The following VCAN variants were observed in gnomAD, a reference collection of about 807,000 sequenced individuals.
The protein encoded by VCAN is versican, also known as versican core protein.
Under a neutral mutation model 245.5 loss-of-function variants are expected in VCAN, and 44 were observed. That is an observed-to-expected ratio of 0.18 (90% CI 0.14 to 0.23). The LOEUF (loss-of-function observed/expected upper bound fraction) is 0.23, where lower values mean the gene tolerates loss of function less well. Among genes scored for constraint, VCAN ranks in the 10% least tolerant of loss-of-function variants. VCAN has a pLI of 1.00. For synonymous variants in VCAN, 1,413 were observed against 1,437.0 expected (o/e 0.98, Z 0.38); for missense variants, 3,793 against 4,057.9 (o/e 0.93, Z 1.77).
At chr5:83,482,425 A>G (rs968735603) in intron 1 of VCAN, among the ~76,000 whole-genome samples, 2 of 152,204 alleles carry the variant, frequency 1.3e-5, no homozygotes, top group Non-Finnish European at 2.9e-5. Context: ...TCTATAATTG[A>G]CTTAGGATAT....
chr5:83,507,029 C>T (rs1745502182), intron 5 of VCAN, among the ~76,000 whole-genome samples: 1 of 152,154 alleles, frequency 6.6e-6, no homozygotes, highest in Admixed American at 6.5e-5. Flanking sequence ...ACAATTCAAG[C>T]TGAGATTTGG....
intron 13 of VCAN, among the ~76,000 whole-genome samples, chr5:83,575,141 A>C (rs921085903): frequency 6.6e-6 from 1 of 152,220 alleles, no homozygotes; most frequent in African/African-American, 2.4e-5. Flanking sequence ...ATACTCTATA[A>C]ATATTTTAGG....
intron 1 of VCAN, among the ~76,000 whole-genome samples, chr5:83,476,693 G>A (rs1341228078): frequency 1.3e-5 from 2 of 151,676 alleles, no homozygotes; most frequent in African/African-American, 4.8e-5. Context: ...TGGGGGGTGC[G>A]TGTGTGTGTG....
At chr5:83,474,093 C>T (rs566395772) in intron 1 of VCAN, among the ~76,000 whole-genome samples, 1 of 152,232 alleles carries the variant, frequency 6.6e-6, no homozygotes, top group East Asian at 1.9e-4. Context: ...AAACCCATGA[C>T]CACTTGAACC....
At chr5:83,574,490 C>T (rs1400229778) in intron 13 of VCAN, among the ~76,000 whole-genome samples, 1 of 152,214 alleles carries the variant, frequency 6.6e-6, no homozygotes, top group Admixed American at 6.5e-5. Context: ...TGCACTAATC[C>T]CTTCCCTAGA....
chr5:83,508,153 G>A lies in VCAN; in HGVS notation c.749-3950G>A, dbSNP rs1745537231. Among the ~76,000 whole-genome samples, 3 of 152,092 alleles carry A rather than the reference G, an allele frequency of 2.0e-5. No individual in the cohort carries two copies. In the South Asian group the frequency reaches 6.2e-4, roughly 32 times the overall value. On this transcript the variant is annotated intron_variant, in intron 5 of 14. Coordinates refer to ENST00000265077, the MANE Select transcript of VCAN (RefSeq NM_004385.5). ...CTTGCAGCCTTTGACATAATCCTGG[G>A]AGGCAATTGGCATCATACATATTTT...
In VCAN at chr5:83,538,521, G is replaced by T. The variant is rs1746822455; in HGVS notation, c.5518G>T (p.Ala1840Ser). The change falls in exon 8 of 15, where the codon GCT (alanine) becomes TCT (serine). Residue 1840 changes from alanine (A) to serine (S), a missense_variant. Ala to Ser is a moderately conservative substitution (Grantham distance 99). Around this residue, in one of 5 missense-constraint regions of VCAN, gnomAD observed 3,182 missense variants for 3,250.3 expected, o/e 0.98. Transcript: ENST00000265077. Reference protein sequence around the residue: ...SVFMEQGSGEAAADPETTTVS... With the variant: ...SVFMEQGSGESAADPETTTVS... ...CTTTATGGAGCAGGGCTCTGGAGAA[G>T]CTGCTGCCGACCCAGAAACCACCAC... 2 of 1,614,080 alleles carry T rather than the reference G, an allele frequency of 1.2e-6. No homozygotes were observed. The highest frequency in any genetic ancestry group is 4.5e-5 in the East Asian group (2 of 44,872).
In VCAN at chr5:83,567,573, A is replaced by T. The variant is rs1580075142; in HGVS notation, c.9736-4843A>T. 8.5e-5 allele frequency among the ~76,000 whole-genome samples: 13 copies of T among 152,276 alleles called. No homozygotes were observed. The South Asian group carries it at 1.9e-3, about 22-fold the overall frequency. ...CCTCAGCCTCCCAAAGTGCTGGGAT[A>T]ACAGGCATGAGACACTGCACCCGGC... On this transcript the variant is annotated intron_variant, in intron 12 of 14. Transcript: ENST00000265077.
At chr5:83,519,255 C>G (rs1398555981) in intron 6 of VCAN, 94 bp from the exon 7 acceptor site, 4 of 1,328,420 alleles carry the variant, frequency 3.0e-6, no homozygotes, top group Non-Finnish European at 4.2e-6. Context: ...CAAAAATACT[C>G]CCTACAAAAT....
At chr5:83,513,177 T>C (rs1745721727) in intron 6 of VCAN, among the ~76,000 whole-genome samples, 1 of 152,192 alleles carries the variant, frequency 6.6e-6, no homozygotes, top group African/African-American at 2.4e-5. Flanking sequence ...AACAAGCAAG[T>C]AATCTAGCAT....
intron 7 of VCAN, among the ~76,000 whole-genome samples, chr5:83,529,086 A>G (rs1162625454): frequency 1.3e-5 from 2 of 151,918 alleles, no homozygotes; most frequent in Non-Finnish European, 2.9e-5. Context: ...AATTTATTCA[A>G]CAGTCAAATA....
intron 12 of VCAN, among the ~76,000 whole-genome samples, chr5:83,569,730 T>G (rs1561275045): frequency 6.6e-6 from 1 of 152,136 alleles, no homozygotes; most frequent in Non-Finnish European, 1.5e-5. Context: ...AAGAGACTAG[T>G]TGGAAAGTAA....
chr5:83,577,777 G>A (rs1748535447), intron 13 of VCAN, among the ~76,000 whole-genome samples: 1 of 152,120 alleles, frequency 6.6e-6, no homozygotes, highest in South Asian at 2.1e-4. Context: ...GTGTTCAAAT[G>A]AAAAGACTAC....
Position 83,537,179 on chromosome 5 carries a change from A to G in VCAN, c.4176A>G (p.Glu1392=). 2.5e-6 allele frequency: 4 copies of G among 1,613,820 alleles called. No homozygotes were observed. The highest frequency in any genetic ancestry group is 3.4e-6 in the Non-Finnish European group (4 of 1,179,902). ...DLYHSEENEE[E]EEECANATDV... ...ACCACAGTGAAGAAAATGAAGAAGA[A>G]GAAGAAGAGTGTGCAAATGCTACTG... The change falls in exon 8 of 15, where the codon GAA becomes GAG. Residue 1392 remains glutamate, a synonymous_variant. Coordinates refer to ENST00000265077, the MANE Select transcript of VCAN (RefSeq NM_004385.5).
Position 83,539,637 on chromosome 5 carries a change from G to C in VCAN, c.6634G>C (p.Val2212Leu). The C allele has an allele frequency of 6.2e-7, 1 of 1,614,034 alleles. No individual in the cohort carries two copies. The highest frequency in any genetic ancestry group is 8.5e-7 in the Non-Finnish European group (1 of 1,180,010). The change falls in exon 8 of 15, where the codon GTA becomes CTA. Residue 2212 changes from valine to leucine, a missense_variant. Transcript: ENST00000265077. ...KSHFFLATAL[V>L]TESIPAEHVV... Reference sequence around the variant, plus strand: ...ACATTTTTTCTTAGCTACTGCATTAGTAACTGAATCTATACCAGCTGAACA... The same window carrying C: ...ACATTTTTTCTTAGCTACTGCATTACTAACTGAATCTATACCAGCTGAACA...
chr5:83,521,057 T>C lies in VCAN; in HGVS notation c.2751T>C (p.Tyr917=). ...TCACAAGCACTGAAGGCCAAGTTTA[T>C]GCAACCATGGAAGGAAGTGCTTTGG... ...PPITSTEGQV[Y]ATMEGSALGE... Residue 917 remains tyrosine (Y), a synonymous_variant, in exon 7 of 15, where the codon TAT becomes TAC. Coordinates refer to ENST00000265077, the MANE Select transcript of VCAN (RefSeq NM_004385.5). 2 of 1,614,106 alleles carry C rather than the reference T, an allele frequency of 1.2e-6. No homozygotes were observed. The highest frequency in any genetic ancestry group is 1.7e-6 in the Non-Finnish European group (2 of 1,179,988).
chr5:83,487,865 T>A (rs1323696086), intron 2 of VCAN, among the ~76,000 whole-genome samples: 26 of 152,176 alleles, frequency 1.7e-4, no homozygotes, highest in Admixed American at 1.7e-3. Flanking sequence ...TCTGTCCCTA[T>A]ATACTTCAAA....
At chr5:83,489,673 A>AT (rs1744905353) in intron 2 of VCAN, among the ~76,000 whole-genome samples, 1 of 152,070 alleles carries the variant, frequency 6.6e-6, no homozygotes, top group Admixed American at 6.6e-5. Flanking sequence ...TGTAACAAAC[A>AT]TTTTTTGTCT....
intron 5 of VCAN, among the ~76,000 whole-genome samples, chr5:83,494,890 A>G (rs527927706): frequency 6.6e-6 from 1 of 152,192 alleles, no homozygotes; most frequent in Admixed American, 6.5e-5. Flanking sequence ...AGGTGGGAGG[A>G]TTACATGAGC....
Sources: allele counts gnomAD v4.1 joint callset (sites outside exome capture counted in the v4.1 genomes callset), GRCh38; gene constraint gnomAD v4.1.1; regional missense constraint gnomAD v4.1.1; transcripts MANE v1.5; gene names NCBI Gene and HGNC (gene_info 2026-07-23, HGNC 2026-07-21).